The following NFATC2 variants were observed in gnomAD, a reference collection of about 807,000 sequenced individuals.
NFATC2 encodes nuclear factor of activated T cells 2.
Under a neutral mutation model 87.3 loss-of-function variants are expected in NFATC2, and 22 were observed. The observed-to-expected ratio is 0.25, with a 90% CI of 0.18 to 0.36. The LOEUF (loss-of-function observed/expected upper bound fraction) is 0.36, where lower values mean the gene tolerates loss of function less well. NFATC2 is among the 10% of genes least tolerant of loss of function. The pLI, the probability that NFATC2 is intolerant of heterozygous loss-of-function variation, is 1.00. For missense variants in NFATC2, 1,149 were observed against 1,259.1 expected, an observed-to-expected ratio of 0.91 and a Z score of 1.32; for synonymous variants, 565 against 542.2, an observed-to-expected ratio of 1.04 and a Z score of -0.58.
chr20:51,518,745 G>A (rs1387633332), intron 2 of NFATC2, among the ~76,000 whole-genome samples: 6 of 152,124 alleles, frequency 3.9e-5, no homozygotes, highest in Non-Finnish European at 1.5e-5. Context: ...TTCATTTATT[G>A]ACTACTGCAA....
At chr20:51,513,744 G>C (rs955358832) in intron 3 of NFATC2, among the ~76,000 whole-genome samples, 3 of 152,238 alleles carry the variant, frequency 2.0e-5, no homozygotes, top group African/African-American at 7.2e-5. Context: ...CCAAGACAGG[G>C]CCAATCAGCA....
chr20:51,427,362 G>A (rs1004633228), intron 9 of NFATC2, among the ~76,000 whole-genome samples: 1 of 152,112 alleles, frequency 6.6e-6, no homozygotes, highest in Non-Finnish European at 1.5e-5. Context: ...AAGTGCAGCC[G>A]CCCCTCATTT....
intron 1 of NFATC2, among the ~76,000 whole-genome samples, chr20:51,561,175 C>T (rs1358344978): frequency 2.0e-5 from 3 of 151,614 alleles, no homozygotes; most frequent in Non-Finnish European, 4.4e-5. Context: ...TAGCAGAGGA[C>T]AGGATAAACT....
In NFATC2 at chr20:51,506,228, C is replaced by T. The variant is rs76494744; in HGVS notation, c.1332+10556G>A. ...TGCTCATCACTGGCGATGAGGTGCT[C>T]GTTGGGGAAGGTGAGGCTCAATGCC... On this transcript the variant is annotated intron_variant, in intron 3 of 10. Transcript: ENST00000371564. Among the ~76,000 whole-genome samples the T allele has an allele frequency of 4.9e-3, 750 of 152,332 alleles. 12 individuals are homozygous for T. Among genetic ancestry groups the T allele is most frequent in the African/African-American group, 0.017 (696 of 41,564 alleles).
chr20:51,458,936 T>G (rs919010410), intron 5 of NFATC2, among the ~76,000 whole-genome samples: 1 of 152,210 alleles, frequency 6.6e-6, no homozygotes, highest in Admixed American at 6.5e-5. Flanking sequence ...AACTGCTGCT[T>G]GGGCTCCGGG....
chr20:51,495,462 T>C (rs1451663899), intron 3 of NFATC2, among the ~76,000 whole-genome samples: 1 of 152,282 alleles, frequency 6.6e-6, no homozygotes, highest in Non-Finnish European at 1.5e-5. Flanking sequence ...CTCCATAATT[T>C]AAAGGGGTGA....
rs771768817 is a variant in NFATC2 at position 51,454,706 on chromosome 20, A to T, written c.1709-18T>A. ...TCGCTGGGCTGCAGGCAAAAGAGAG[A>T]GAAGTCACTGTGATAAGGGGAGATG... On this transcript the variant is annotated intron_variant, in intron 5 of 10. Transcript: ENST00000371564. 1 of 1,613,506 alleles carries T rather than the reference A, an allele frequency of 6.2e-7. No individual in the cohort carries two copies. The highest frequency in any genetic ancestry group is 8.5e-7 in the Non-Finnish European group (1 of 1,179,810).
At chr20:51,530,550 T>G (rs917465364) in intron 1 of NFATC2, among the ~76,000 whole-genome samples, 1 of 152,162 alleles carries the variant, frequency 6.6e-6, no homozygotes, top group African/African-American at 2.4e-5. Flanking sequence ...TCCTCACTGG[T>G]GGACCACCTA....
intron 3 of NFATC2, among the ~76,000 whole-genome samples, chr20:51,511,202 T>C (rs962153861): frequency 2.6e-5 from 4 of 152,228 alleles, no homozygotes; most frequent in African/African-American, 9.6e-5. Context: ...CCACCCCCTG[T>C]TGCTCCCTGA....
intron 2 of NFATC2, among the ~76,000 whole-genome samples, chr20:51,520,814 T>C (rs60625722): frequency 0.085 from 12,902 of 151,074 alleles, 921 homozygotes; most frequent in African/African-American, 0.2. Flanking sequence ...GCATGCAACA[T>C]CACACCCGGC....
chr20:51,511,957 C>A (rs1403230092), intron 3 of NFATC2, among the ~76,000 whole-genome samples: 1 of 152,180 alleles, frequency 6.6e-6, no homozygotes, highest in Non-Finnish European at 1.5e-5. Flanking sequence ...CAACCATCAC[C>A]CTGCAAGCTA....
At chr20:51,553,638 T>C (rs982664552) in intron 1 of NFATC2, among the ~76,000 whole-genome samples, 2 of 138,556 alleles carry the variant, frequency 1.4e-5, no homozygotes, top group African/African-American at 2.7e-5. Flanking sequence ...ATCATGCCAC[T>C]GCACTCCAGC....
chr20:51,455,194 C>T (rs974879348), intron 5 of NFATC2, among the ~76,000 whole-genome samples: 1 of 152,202 alleles, frequency 6.6e-6, no homozygotes, highest in Non-Finnish European at 1.5e-5. Flanking sequence ...CATTTATGAT[C>T]TTTAACATAG....
intron 2 of NFATC2, among the ~76,000 whole-genome samples, chr20:51,519,458 C>CAAA (rs34825072): frequency 7.9e-4 from 98 of 124,676 alleles, no homozygotes; most frequent in African/African-American, 2.8e-3. Context: ...ACTAAAAATA[C>CAAA]AAAAAAAAAA....
At chr20:51,449,061 G>A (rs570993096) in intron 6 of NFATC2, among the ~76,000 whole-genome samples, 12 of 152,090 alleles carry the variant, frequency 7.9e-5, no homozygotes, top group Non-Finnish European at 1.6e-4. Flanking sequence ...AAAGAACATT[G>A]GAGCTGGTGG....
chr20:51,518,144 A>G (rs6021264), intron 2 of NFATC2, among the ~76,000 whole-genome samples: 9,348 of 152,296 alleles, frequency 0.061, 345 homozygotes, highest in Middle Eastern at 0.14. Context: ...CAACTTCTCA[A>G]TTAATGAAGC....
chr20:51,533,040 G>T lies in NFATC2; in HGVS notation c.131-8930C>A, dbSNP rs1177854316. Among the ~76,000 whole-genome samples, 4 of 152,250 alleles carry T rather than the reference G, an allele frequency of 2.6e-5. No individual in the cohort carries two copies. The East Asian group carries it at 7.7e-4, about 29-fold the overall frequency. ...GAGGTGGCGTGAGTCCCAGGGCCTGGGTTTGGGACATGACAGTCTGTCGCC... is the reference window on the plus strand; with the variant it reads ...GAGGTGGCGTGAGTCCCAGGGCCTGTGTTTGGGACATGACAGTCTGTCGCC... On this transcript the variant is annotated intron_variant, in intron 1 of 10. Coordinates refer to ENST00000371564, the MANE Select transcript of NFATC2 (RefSeq NM_012340.5).
intron 5 of NFATC2, among the ~76,000 whole-genome samples, chr20:51,457,614 G>C (rs1986694425): frequency 6.6e-6 from 1 of 150,984 alleles, no homozygotes; most frequent in South Asian, 2.1e-4. Flanking sequence ...AAAATTTAAA[G>C]AGACAGAAAA....
At chr20:51,562,817 C>A, upstream of NFATC2, 1 of 552,062 alleles carries the variant, frequency 1.8e-6, no homozygotes, top group Non-Finnish European at 3.2e-6. The surrounding 1 kb of genome is among the most constrained non-coding windows in gnomAD (Gnocchi z 5.8). Flanking sequence ...GCTCCGCGAT[C>A]CGGCTTACTC....
Sources: allele counts gnomAD v4.1 joint callset (sites outside exome capture counted in the v4.1 genomes callset), GRCh38; gene constraint gnomAD v4.1.1; non-coding constraint Gnocchi (gnomAD v3.1); transcripts MANE v1.5; gene names NCBI Gene and HGNC (gene_info 2026-07-23, HGNC 2026-07-21).